The following GDF2 variants were observed in gnomAD, a reference collection of about 807,000 sequenced individuals.
GDF2 encodes the protein growth/differentiation factor 2.
GDF2 carries 17 observed loss-of-function variants against 16.9 expected under a neutral mutation model. That is an observed-to-expected ratio of 1.00 (90% CI 0.69 to 1.51). The LOEUF is 1.51. GDF2 is among the 40% of genes most tolerant of loss of function. The pLI is 0.00. For missense variants in GDF2, 523 were observed against 556.3 expected (o/e 0.94, Z 0.60); for synonymous variants, 276 against 237.6 (o/e 1.16, Z -1.49).
rs148262680 is a variant in GDF2 at position 47,325,113 on chromosome 10, G to T, written c.619G>T (p.Val207Leu). 1.0e-4 allele frequency: 168 copies of T among 1,613,940 alleles called. No homozygotes were observed. Among genetic ancestry groups the T allele is most frequent in the Non-Finnish European group, 1.4e-4 (162 of 1,180,060 alleles). ...GGATGAGGGCTGGGAGACCTTGGAA[G>T]TGTCCAGCGCCGTGAAGCGCTGGGT... ...IQDEGWETLE[V>L]SSAVKRWVRS... The change falls in exon 2 of 2, where the codon GTG becomes TTG. Residue 207 changes from valine (V) to leucine (L), a missense_variant. By Grantham distance (32) the Val-to-Leu change is conservative (BLOSUM62 1). Transcript: ENST00000581492.
rs1434271312 is a variant in GDF2 at position 47,326,345 on chromosome 10, A to T, written c.*561A>T. On this transcript the variant is annotated 3_prime_UTR_variant, in exon 2 of 2. Transcript: ENST00000581492. ...TCAGATTTGTGGGACACCAAAGCCCAGGATCTTCCCAAGTGCCCTGCTGCA... is the reference window on the plus strand; with the variant it reads ...TCAGATTTGTGGGACACCAAAGCCCTGGATCTTCCCAAGTGCCCTGCTGCA... The T allele has an allele frequency of 6.6e-6, 1 of 152,372 alleles. No individual in the cohort carries two copies. Among genetic ancestry groups the T allele is most frequent in the African/African-American group, 2.4e-5 (1 of 41,456 alleles). 9.4% of individuals were successfully genotyped at this position (152,372 alleles called of 1,614,324 possible).
chr10:47,324,719 A>G, intron 1 of GDF2, 122 bp from the exon 2 acceptor site: 2 of 641,272 alleles, frequency 3.1e-6, no homozygotes, highest in Non-Finnish European at 5.4e-6. Context: ...GAAACCAAAT[A>G]GAGATAATAC....
chr10:47,322,479 G>A lies in GDF2; in HGVS notation c.-190G>A, dbSNP rs1349166750. 3 of 512,586 alleles carry A rather than the reference G, an allele frequency of 5.9e-6. No individual in the cohort carries two copies. The highest frequency in any genetic ancestry group is 1.0e-5 in the Non-Finnish European group (3 of 292,538). 31.8% of individuals were successfully genotyped at this position (512,586 alleles called of 1,614,324 possible). On this transcript the variant is annotated 5_prime_UTR_variant, in exon 1 of 2. Transcript: ENST00000581492. ...AGATAAGACGTCGGAGCGCGGCATC[G>A]AGGACCAGATAAGCACAAGTGGAGG...
intron 1 of GDF2, among the ~76,000 whole-genome samples, chr10:47,323,529 G>T (rs1212009230): frequency 6.6e-6 from 1 of 152,222 alleles, no homozygotes; most frequent in Admixed American, 6.5e-5. Context: ...CTTATGAAAC[G>T]GTTTTAAAAA....
Position 47,327,175 on chromosome 10 carries a change from G to C in GDF2, c.*1391G>C, listed in dbSNP as rs1555209222. ...TGCTCTGTGTTTCACCCTCTCCTCT[G>C]TCTCTCCAGGCCACACATGGAACGG... is the stretch of plus-strand genomic sequence containing the variant. On this transcript the variant is annotated 3_prime_UTR_variant, in exon 2 of 2. Coordinates refer to ENST00000581492, the MANE Select transcript of GDF2 (RefSeq NM_016204.4). Among the ~76,000 whole-genome samples, 1 of 152,154 alleles carries C rather than the reference G, an allele frequency of 6.6e-6. No individual in the cohort carries two copies. Among genetic ancestry groups the C allele is most frequent in the African/African-American group, 2.4e-5 (1 of 41,432 alleles).
chr10:47,322,862 ATT>A lies in GDF2; in HGVS notation c.196_197del (p.Phe66ProfsTer5). 1 of 1,614,158 alleles carries A rather than the reference ATT, an allele frequency of 6.2e-7. No individual in the cohort carries two copies. Among genetic ancestry groups the A allele is most frequent in the Non-Finnish European group, 8.5e-7 (1 of 1,180,020 alleles). ...ATGTTTCTGGAGAACGTGAAGGTGG[ATT>A]TCCTGCGCAGCCTTAACCTGAGTGG... On this transcript the variant is annotated frameshift_variant, in exon 1 of 2. Transcript: ENST00000581492. LOFTEE classifies it high-confidence loss of function.
Position 47,325,626 on chromosome 10 carries a change from AC to A in GDF2, c.1135del (p.Leu379TrpfsTer20), listed in dbSNP as rs1259967380. The A allele has an allele frequency of 6.2e-6, 10 of 1,613,802 alleles. No individual in the cohort carries two copies. Among genetic ancestry groups the A allele is most frequent in the African/African-American group, 1.3e-5 (1 of 74,916 alleles). On this transcript the variant is annotated frameshift_variant, in exon 2 of 2. Coordinates refer to ENST00000581492, the MANE Select transcript of GDF2 (RefSeq NM_016204.4). LOFTEE classifies it high-confidence loss of function. ...VTPTKHAIVQ[T>X]LVHLKFPTKV... The stretch of plus-strand genomic sequence containing the variant: ...GCCGACGAAACACGCTATCGTGCAG[AC>A]CCTGGTGCATCTCAAGTTCCCCACA...
Position 47,324,824 on chromosome 10 carries a change from G to A in GDF2, c.347-17G>A, listed in dbSNP as rs371358583. 7.3e-5 allele frequency: 114 copies of A among 1,567,414 alleles called. No homozygotes were observed. The highest frequency in any genetic ancestry group is 5.0e-4 in the Middle Eastern group (3 of 6,002). ...AGACCCTCCAGCAGATGCCCACCACGTGTGTTTGCATTTCAGATGCCATCT... is the reference window on the plus strand; with the variant it reads ...AGACCCTCCAGCAGATGCCCACCACATGTGTTTGCATTTCAGATGCCATCT... On this transcript the variant is annotated splice_polypyrimidine_tract_variant and intron_variant, in intron 1 of 1. Transcript: ENST00000581492.
chr10:47,327,503 G>T lies in GDF2; in HGVS notation c.*1719G>T, dbSNP rs2061112735. On this transcript the variant is annotated 3_prime_UTR_variant, in exon 2 of 2. Transcript: ENST00000581492. ...TAGTGTTACAATGCTATTCCAAGTT[G>T]GGTGTTGAGCATCTTCTTTCAGTCC... is the stretch of plus-strand genomic sequence containing the variant. 6.6e-6 allele frequency among the ~76,000 whole-genome samples: 1 copy of T among 152,202 alleles called. No homozygotes were observed. Among genetic ancestry groups the T allele is most frequent in the African/African-American group, 2.4e-5 (1 of 41,444 alleles).
Position 47,325,383 on chromosome 10 carries a change from G to A in GDF2, c.889G>A (p.Glu297Lys), listed in dbSNP as rs1555209031. The change falls in exon 2 of 2, where the codon GAG becomes AAG. Residue 297 changes from glutamate (E) to lysine (K), a missense_variant. Physicochemically the swap from Glu to Lys is moderately conservative, Grantham distance 56. Transcript: ENST00000581492. ...CAAGGACGGCTCCACAGAGGCAGGT[G>A]AGAGCAGTCACGAGGAGGACACGGA... Reference protein sequence around the residue: ...LSKDGSTEAGESSHEEDTDGH... With the variant: ...LSKDGSTEAGKSSHEEDTDGH... 18 of 1,614,026 alleles carry A rather than the reference G, an allele frequency of 1.1e-5. No individual in the cohort carries two copies. In the South Asian group the frequency reaches 1.3e-4, roughly 12 times the overall value.
intron 1 of GDF2, among the ~76,000 whole-genome samples, chr10:47,323,676 T>C (rs537357255): frequency 1.3e-5 from 2 of 152,322 alleles, no homozygotes; most frequent in South Asian, 4.1e-4. Context: ...CAAGCTCACA[T>C]GATGCAGGGG....
chr10:47,323,032 A>G lies in GDF2; in HGVS notation c.346+18A>G, dbSNP rs543440151. The G allele has an allele frequency of 1.3e-4, 208 of 1,558,454 alleles. 1 individual carries two copies. In the South Asian group the frequency reaches 2.4e-3, roughly 18 times the overall value. On this transcript the variant is annotated intron_variant, in intron 1 of 1. Coordinates refer to ENST00000581492, the MANE Select transcript of GDF2 (RefSeq NM_016204.4). ...CATGGAAGGTAGGGTCTCCGCTTGCACCATGCGCGCTGGGGTGGGACTCAC... is the reference window on the plus strand; with the variant it reads ...CATGGAAGGTAGGGTCTCCGCTTGCGCCATGCGCGCTGGGGTGGGACTCAC...
In GDF2 at chr10:47,325,208, C is replaced by T. The variant is rs782288867; in HGVS notation, c.714C>T (p.Asp238=). The T allele has an allele frequency of 6.8e-6, 11 of 1,613,960 alleles. No individual in the cohort carries two copies. In the East Asian group the frequency reaches 1.1e-4, roughly 16 times the overall value. The change falls in exon 2 of 2, where the codon GAC becomes GAT. Residue 238 remains aspartate, a synonymous_variant. Coordinates refer to ENST00000581492, the MANE Select transcript of GDF2 (RefSeq NM_016204.4). ...VTVESHRKGC[D]TLDISVPPGS... ...TGGAGAGCCACAGGAAGGGCTGCGA[C>T]ACGCTGGACATCAGTGTCCCCCCAG...
rs1365209791 is a variant in GDF2 at position 47,326,318 on chromosome 10, A to T, written c.*534A>T. On this transcript the variant is annotated 3_prime_UTR_variant, in exon 2 of 2. Coordinates refer to ENST00000581492, the MANE Select transcript of GDF2 (RefSeq NM_016204.4). ...AGCATTGATCAATGGCATGATTCCA[A>T]CTCAGATTTGTGGGACACCAAAGCC... The T allele has an allele frequency of 6.6e-6, 1 of 152,364 alleles. No homozygotes were observed. The highest frequency in any genetic ancestry group is 1.5e-5 in the Non-Finnish European group (1 of 68,196). The allele number at this position is 152,364 out of a possible 1,614,324, so 9.4% of individuals were successfully genotyped here.
In GDF2 at chr10:47,325,882, C is replaced by G. The variant is rs904170300; in HGVS notation, c.*98C>G. The G allele has an allele frequency of 2.7e-5, 24 of 888,432 alleles. No individual in the cohort carries two copies. Among genetic ancestry groups the G allele is most frequent in the Non-Finnish European group, 3.5e-5 (21 of 599,800 alleles). The allele number at this position is 888,432 out of a possible 1,614,324, so 55.0% of individuals were successfully genotyped here. A position where few individuals can be genotyped will look rare whatever the true frequency, so the allele number is the denominator to read the frequency against. ...ACAAGGACTGATTCAATCTGCATGCCAGCCTGGAGGAGGAAAGGGAGCCTG... is the reference window on the plus strand; with the variant it reads ...ACAAGGACTGATTCAATCTGCATGCGAGCCTGGAGGAGGAAAGGGAGCCTG... On this transcript the variant is annotated 3_prime_UTR_variant, in exon 2 of 2. Transcript: ENST00000581492.
In GDF2 at chr10:47,322,737, G is replaced by T. The variant is rs549031631; in HGVS notation, c.69G>T (p.Lys23Asn). 99 of 1,607,122 alleles carry T rather than the reference G, an allele frequency of 6.2e-5. 4 individuals carry two copies. The South Asian group carries it at 1.0e-3, about 17-fold the overall frequency. The change falls in exon 1 of 2, where the codon AAG becomes AAT. Residue 23 changes from lysine (K) to asparagine (N), a missense_variant. By Grantham distance (94) the Lys-to-Asn change is moderately conservative (BLOSUM62 0). Coordinates refer to ENST00000581492, the MANE Select transcript of GDF2 (RefSeq NM_016204.4). ...LSLLAGSLQG[K>N]PLQSWGRGSA... ...TGCTGGCTGGCTCCCTACAGGGGAA[G>T]CCACTGCAGAGCTGGGGACGAGGGT...
chr10:47,322,630 G>A lies in GDF2; in HGVS notation c.-39G>A, dbSNP rs984434243. On this transcript the variant is annotated 5_prime_UTR_variant, in exon 1 of 2. Transcript: ENST00000581492. ...CCGTGCCCGCTAACACAGCACGGCC[G>A]CCTGCAGTCTCCTCTCTGGGTGATT... The A allele has an allele frequency of 7.1e-6, 10 of 1,403,898 alleles. 1 individual carries two copies. The highest frequency in any genetic ancestry group is 6.0e-5 in the South Asian group (4 of 67,210). 87.0% of individuals were successfully genotyped at this position (1,403,898 alleles called of 1,614,324 possible). A position where few individuals can be genotyped will look rare whatever the true frequency, so the allele number is the denominator to read the frequency against.
Position 47,325,876 on chromosome 10 carries a change from G to T in GDF2, c.*92G>T. The T allele has an allele frequency of 1.1e-6, 1 of 926,368 alleles. No homozygotes were observed. The highest frequency in any genetic ancestry group is 2.0e-5 in the South Asian group (1 of 49,770). The allele number at this position is 926,368 out of a possible 1,614,324, so 57.4% of individuals were successfully genotyped here. ...GGCACAACAAGGACTGATTCAATCT[G>T]CATGCCAGCCTGGAGGAGGAAAGGG... On this transcript the variant is annotated 3_prime_UTR_variant, in exon 2 of 2. Transcript: ENST00000581492.
Position 47,324,887 on chromosome 10 carries a change from C to G in GDF2, c.393C>G (p.His131Gln). Residue 131 changes from histidine to glutamine, a missense_variant, in exon 2 of 2, where the codon CAC becomes CAG. Physicochemically the swap from His to Gln is conservative, Grantham distance 24. Transcript: ENST00000581492. ...TATEDFPFQK[H>Q]ILLFNISIPR... Reference sequence around the variant, plus strand: ...CAGAGGACTTCCCCTTCCAGAAGCACATCTTGCTCTTCAACATCTCCATTC... The same window carrying G: ...CAGAGGACTTCCCCTTCCAGAAGCAGATCTTGCTCTTCAACATCTCCATTC... 1 of 1,613,700 alleles carries G rather than the reference C, an allele frequency of 6.2e-7. No homozygotes were observed. Among genetic ancestry groups the G allele is most frequent in the Non-Finnish European group, 8.5e-7 (1 of 1,180,014 alleles).
Sources: allele counts gnomAD v4.1 joint callset (sites outside exome capture counted in the v4.1 genomes callset), GRCh38; gene constraint gnomAD v4.1.1; transcripts MANE v1.5; gene names NCBI Gene and HGNC (gene_info 2026-07-23, HGNC 2026-07-21).